GARNL3: variants seen among roughly 807,000 people sequenced by gnomAD.
GARNL3 encodes GTPase activating Rap/RanGAP domain like 3.
In GARNL3, 63 loss-of-function variants were observed where a neutral mutation model predicts 125.0. The ratio of observed to expected loss-of-function variants is 0.50; its 90% CI spans 0.41 to 0.62. The LOEUF (loss-of-function observed/expected upper bound fraction) is 0.62. Ranked by LOEUF, GARNL3 falls within the 20% of genes least tolerant of loss-of-function variation. The pLI, the probability that GARNL3 is intolerant of heterozygous loss-of-function variation, is 0.00. For synonymous variants in GARNL3, 439 were observed against 457.5 expected, an observed-to-expected ratio of 0.96 and a Z score of 0.52; for missense variants, 994 against 1,244.0, an observed-to-expected ratio of 0.80 and a Z score of 3.02.
At chr9:127,354,095 T>A in intron 18 of GARNL3, 151 bp downstream of exon 18, 1 of 689,634 alleles carries the variant, frequency 1.5e-6, no homozygotes, top group Non-Finnish European at 2.5e-6. Context: ...CAGTGGCCCC[T>A]TTGTTCTCTG....
chr9:127,382,612 C>A (rs950111304), intron 22 of GARNL3, among the ~76,000 whole-genome samples: 12 of 152,056 alleles, frequency 7.9e-5, no homozygotes, highest in Admixed American at 5.2e-4. Context: ...ACTCTGTCTC[C>A]AAAAAAAAAT....
intron 4 of GARNL3, among the ~76,000 whole-genome samples, chr9:127,314,956 A>G (rs1395800414): frequency 2.0e-5 from 3 of 152,228 alleles, no homozygotes; most frequent in African/African-American, 7.2e-5. Context: ...TTCCAGGTAG[A>G]AGGAGCAACA....
chr9:127,306,876 C>A (rs1246172763), intron 2 of GARNL3, among the ~76,000 whole-genome samples: 1 of 152,140 alleles, frequency 6.6e-6, no homozygotes, highest in Non-Finnish European at 1.5e-5. Context: ...CAGAGCAAGA[C>A]TCCGTCTCAA....
intron 1 of GARNL3, among the ~76,000 whole-genome samples, chr9:127,235,760 G>A (rs1364632097): frequency 1.3e-5 from 2 of 152,138 alleles, no homozygotes; most frequent in African/African-American, 4.8e-5. Context: ...TTGGTCCATT[G>A]GTGGCCTTTG....
intron 2 of GARNL3, among the ~76,000 whole-genome samples, chr9:127,307,763 GT>G (rs897899629): frequency 2.0e-5 from 3 of 152,016 alleles, no homozygotes; most frequent in South Asian, 2.1e-4. Context: ...GGGCTAACAA[GT>G]TTTTTTTAAT....
chr9:127,347,342 A>G (rs1830195678), intron 16 of GARNL3, among the ~76,000 whole-genome samples: 1 of 152,068 alleles, frequency 6.6e-6, no homozygotes, highest in African/African-American at 2.4e-5. Context: ...GGATCACTTG[A>G]GCCCAGGAGG....
chr9:127,256,701 A>G (rs960590603), intron 2 of GARNL3, among the ~76,000 whole-genome samples: 2 of 152,228 alleles, frequency 1.3e-5, no homozygotes, highest in African/African-American at 2.4e-5. Flanking sequence ...TTATAGATTC[A>G]TGTGCAGTGG....
chr9:127,224,871 G>T (rs1400155260), intron 1 of GARNL3, among the ~76,000 whole-genome samples: 1 of 147,958 alleles, frequency 6.8e-6, no homozygotes, highest in Non-Finnish European at 1.5e-5. Flanking sequence ...CAAGAACCCC[G>T]CGGGGCTGGC....
intron 22 of GARNL3, among the ~76,000 whole-genome samples, chr9:127,368,550 C>G (rs951124040): frequency 6.8e-6 from 1 of 147,302 alleles, no homozygotes. Context: ...AGGCTGGTCT[C>G]GAACTCCTGA....
chr9:127,290,266 T>C (rs1401935542), intron 1 of GARNL3, among the ~76,000 whole-genome samples: 1 of 150,424 alleles, frequency 6.6e-6, no homozygotes, highest in African/African-American at 2.5e-5. Flanking sequence ...AGAAAATTCA[T>C]TGCAGTTTTT....
intron 22 of GARNL3, among the ~76,000 whole-genome samples, chr9:127,375,267 A>C (rs946244388): frequency 7.9e-5 from 12 of 152,266 alleles, no homozygotes; most frequent in Non-Finnish European, 4.4e-5. Context: ...GTTCAAGACC[A>C]GCCTGGTCAA....
intron 1 of GARNL3, among the ~76,000 whole-genome samples, chr9:127,286,915 G>A (rs553161804): frequency 6.6e-6 from 1 of 152,266 alleles, no homozygotes; most frequent in African/African-American, 2.4e-5. Context: ...CTCATATGCA[G>A]CCAGGAACTC....
At chr9:127,346,514 G>A (rs1588900763) in intron 16 of GARNL3, among the ~76,000 whole-genome samples, 1 of 152,318 alleles carries the variant, frequency 6.6e-6, no homozygotes, top group East Asian at 1.9e-4. Flanking sequence ...CCCATGCACA[G>A]TAGGAATTTA....
rs1305234386 is a variant in GARNL3, at chr9:127,392,551, C to T, written c.2871-532C>T. Among the ~76,000 whole-genome samples the T allele has an allele frequency of 2.6e-5, 4 of 152,176 alleles. No individual in the cohort carries two copies. The highest frequency in any genetic ancestry group is 3.8e-4 in the East Asian group (2 of 5,198). On this transcript the variant is annotated intron_variant, in intron 27 of 27. Transcript: ENST00000373387. The surrounding 1 kb of genome is among the most constrained non-coding windows in gnomAD (Gnocchi z 5.2). ...AACGGAGCCAGGAACTGTGTGAGGC[C>T]GAGAGTGGGCAGCAGCTGAGCCAGG...
Position 127,311,742 on chromosome 9 carries a change from A to G in GARNL3, c.319+7A>G. 1 of 1,568,912 alleles carries G rather than the reference A, an allele frequency of 6.4e-7. No individual in the cohort carries two copies. The highest frequency in any genetic ancestry group is 8.8e-7 in the Non-Finnish European group (1 of 1,138,964). ...AAATATTTTTTAGGACAAGGTAATT[A>G]TGCTATTGTGGTGGTAGGGAAGAAA... On this transcript the variant is annotated splice_region_variant and intron_variant, in intron 3 of 27. Coordinates refer to ENST00000373387, the MANE Select transcript of GARNL3 (RefSeq NM_032293.5).
chr9:127,369,197 G>C (rs1411900847), intron 22 of GARNL3: 1 of 151,796 alleles, frequency 6.6e-6, no homozygotes, highest in Non-Finnish European at 1.5e-5. Context: ...GAAAAAAAAA[G>C]GAAGACTCTG....
At chr9:127,296,695 T>G (rs776196090) in intron 2 of GARNL3, among the ~76,000 whole-genome samples, 3 of 151,986 alleles carry the variant, frequency 2.0e-5, no homozygotes, top group Non-Finnish European at 4.4e-5. Context: ...GGTCTCGAAC[T>G]CCTGACCTCA....
intron 25 of GARNL3, chr9:127,388,694 ATT>A: frequency 1.7e-6 from 1 of 583,832 alleles, no homozygotes; most frequent in Non-Finnish European, 3.0e-6. Context: ...ATTTTACCTA[ATT>A]TACACATGAA....
At chr9:127,353,813 T>C (rs1830535829) in intron 17 of GARNL3, 33 bp from the exon 18 acceptor site, 2 of 1,418,272 alleles carry the variant, frequency 1.4e-6, no homozygotes, top group Non-Finnish European at 2.0e-6. Flanking sequence ...TGGGCTGGGT[T>C]GCAGTGATGG....
Sources: allele counts gnomAD v4.1 joint callset (sites outside exome capture counted in the v4.1 genomes callset), GRCh38; gene constraint gnomAD v4.1.1; non-coding constraint Gnocchi (gnomAD v3.1); transcripts MANE v1.5; gene names NCBI Gene and HGNC (gene_info 2026-07-23, HGNC 2026-07-21).